CDC20B: variants seen among roughly 807,000 people sequenced by gnomAD.
CDC20B encodes cell division cycle 20B.
CDC20B carries 58 observed loss-of-function variants against 64.1 expected under a neutral mutation model. That is an observed-to-expected ratio of 0.90 (90% CI 0.73 to 1.13). The LOEUF (loss-of-function observed/expected upper bound fraction) is 1.13, where lower values mean the gene tolerates loss of function less well. CDC20B is among the 50% of genes most tolerant of loss of function. CDC20B has a pLI of 0.00. For synonymous variants in CDC20B, 243 were observed against 230.6 expected (o/e 1.05, Z -0.49); for missense variants, 597 against 633.0 (o/e 0.94, Z 0.61).
chr5:55,137,101 C>CGGGAGACAG (rs1165322855), intron 5 of CDC20B: 2 of 153,926 alleles, frequency 1.3e-5, no homozygotes, highest in Non-Finnish European at 2.9e-5. Flanking sequence ...CGCTTGAACC[C>CGGGAGACAG]GGGAGACAGA....
chr5:55,130,981 G>A (rs899282542), intron 6 of CDC20B, among the ~76,000 whole-genome samples: 3 of 151,944 alleles, frequency 2.0e-5, no homozygotes, highest in Admixed American at 6.6e-5. Flanking sequence ...AATTACCTGG[G>A]CATGGTGATA....
intron 5 of CDC20B, among the ~76,000 whole-genome samples, chr5:55,135,092 C>T (rs571166666): frequency 1.1e-4 from 16 of 152,220 alleles, no homozygotes; most frequent in Admixed American, 6.5e-4. Context: ...ACAAATGTAC[C>T]ACTCTGGTGG....
chr5:55,140,466 A>C, intron 4 of CDC20B, 59 bp from the exon 5 acceptor site: 1 of 1,134,806 alleles, frequency 8.8e-7, no homozygotes, highest in Non-Finnish European at 1.3e-6. Flanking sequence ...TACAACTAAA[A>C]TGTAATGTAT....
chr5:55,135,984 G>C (rs336099), intron 5 of CDC20B: 29,338 of 151,246 alleles, frequency 0.19, 2,933 homozygotes, highest in South Asian at 0.3. Context: ...CACTCTGTCA[G>C]CCAAGCTAGA....
At chr5:55,119,115 G>A (rs931446777) in intron 11 of CDC20B, among the ~76,000 whole-genome samples, 4 of 152,166 alleles carry the variant, frequency 2.6e-5, no homozygotes, top group Admixed American at 6.5e-5. Context: ...GGAAAAAGAC[G>A]GGATATATAA....
intron 11 of CDC20B, among the ~76,000 whole-genome samples, chr5:55,118,880 AAG>A (rs1219401067): frequency 6.6e-6 from 1 of 152,166 alleles, no homozygotes; most frequent in Admixed American, 6.5e-5. Context: ...AGAATCTCCA[AAG>A]AGAGTCATGG....
At chr5:55,160,252 A>G in intron 2 of CDC20B, 1 of 1,614,114 alleles carries the variant, frequency 6.2e-7, no homozygotes, top group Middle Eastern at 1.7e-4. Context: ...AGGTATTTGC[A>G]GTTTTGCTGT....
At chr5:55,145,766 TTC>T (rs200610318) in intron 3 of CDC20B, among the ~76,000 whole-genome samples, 1 of 147,202 alleles carries the variant, frequency 6.8e-6, no homozygotes, top group African/African-American at 2.5e-5. Context: ...TCCTCCTCTC[TTC>T]TCTCTTTCTC....
At chr5:55,146,890 G>T in intron 2 of CDC20B, 34 bp from the exon 3 acceptor site, 1 of 1,533,362 alleles carries the variant, frequency 6.5e-7, no homozygotes, top group Non-Finnish European at 9.0e-7. Flanking sequence ...TAAGTCCACT[G>T]GCCTCAGTGA....
chr5:55,120,576 G>C (rs547492617), intron 9 of CDC20B, 26 bp from the exon 10 acceptor site: 1 of 1,610,572 alleles, frequency 6.2e-7, no homozygotes, highest in Non-Finnish European at 8.5e-7. Context: ...TAATAGCACA[G>C]ACAGGTCAGC....
At chr5:55,161,114 AAT>A in intron 2 of CDC20B, 2 of 1,614,128 alleles carry the variant, frequency 1.2e-6, no homozygotes, top group Non-Finnish European at 1.7e-6. Context: ...TTTTCCCTGC[AAT>A]CAGTTTGGAG....
At chr5:55,162,556 A>G (rs1744134445) in intron 2 of CDC20B, among the ~76,000 whole-genome samples, 1 of 152,254 alleles carries the variant, frequency 6.6e-6, no homozygotes, top group African/African-American at 2.4e-5. Flanking sequence ...GTGATCTATA[A>G]TATTTCACAT....
chr5:55,112,975 C>G lies in CDC20B; in HGVS notation c.*1243G>C, dbSNP rs527868448. The G allele has an allele frequency of 1.3e-5, 2 of 152,234 alleles. No homozygotes were observed. Among genetic ancestry groups the G allele is most frequent in the South Asian group, 4.1e-4 (2 of 4,822 alleles). The allele number at this position is 152,234 out of a possible 1,614,324, so 9.4% of individuals were successfully genotyped here. A position where few individuals can be genotyped will look rare whatever the true frequency, so the allele number is the denominator to read the frequency against. On this transcript the variant is annotated 3_prime_UTR_variant, in exon 12 of 12. Transcript: ENST00000381375. Reference sequence around the variant, plus strand: ...AAAACAAAACAACCAACGATTCAAACAGTAATAAAAGATTTTTTTAAACAG... The same window carrying G: ...AAAACAAAACAACCAACGATTCAAAGAGTAATAAAAGATTTTTTTAAACAG...
chr5:55,133,257 G>C (rs1743075042), intron 6 of CDC20B, among the ~76,000 whole-genome samples, 155 bp downstream of exon 6: 2 of 152,114 alleles, frequency 1.3e-5, no homozygotes, highest in African/African-American at 4.8e-5. Flanking sequence ...AGTTGCACCA[G>C]GAAAAGCCAA....
intron 5 of CDC20B, chr5:55,136,117 T>G (rs1237234976): frequency 6.6e-6 from 1 of 151,898 alleles, no homozygotes; most frequent in African/African-American, 2.4e-5. Context: ...CTAATTTTTG[T>G]GTGTATTTTT....
chr5:55,164,018 A>T, intron 2 of CDC20B: 1 of 1,454,156 alleles, frequency 6.9e-7, no homozygotes, highest in South Asian at 1.4e-5. Flanking sequence ...ACAAAGAATA[A>T]AATTATGCTC....
At chr5:55,140,286 AAAG>A (rs1263788509) in intron 5 of CDC20B, 25 bp downstream of exon 5, 9 of 1,434,118 alleles carry the variant, frequency 6.3e-6, no homozygotes, top group Admixed American at 3.9e-5. Context: ...GGAGCGCAGG[AAAG>A]AAGGACAATG....
intron 1 of CDC20B, 102 bp downstream of exon 1, chr5:55,172,836 T>TA: frequency 8.4e-7 from 1 of 1,194,634 alleles, no homozygotes; most frequent in South Asian, 1.5e-5. Context: ...GACCAGGGCT[T>TA]AGAGTTTCGT....
chr5:55,160,832 A>G, intron 2 of CDC20B: 1 of 672,962 alleles, frequency 1.5e-6, no homozygotes, highest in Non-Finnish European at 2.4e-6. Flanking sequence ...CCAGGCATCT[A>G]GGTTACAGTT....
Sources: allele counts gnomAD v4.1 joint callset (sites outside exome capture counted in the v4.1 genomes callset), GRCh38; gene constraint gnomAD v4.1.1; transcripts MANE v1.5; gene names NCBI Gene and HGNC (gene_info 2026-07-23, HGNC 2026-07-21).